The following ZNF487 variants were observed in gnomAD, a reference collection of about 807,000 sequenced individuals.
ZNF487 encodes KRAB domain only 1.
A neutral mutation model predicts 3.0 loss-of-function variants in ZNF487; 4 were observed. The observed-to-expected ratio is 1.35, with a 90% confidence interval of 0.66 to 3.08. The LOEUF is 3.08. Ranked by LOEUF, ZNF487 falls within the 30% of genes most tolerant of loss-of-function variation. ZNF487 has a pLI of 0.01. For missense variants in ZNF487, 146 were observed against 98.7 expected (o/e 1.48, Z -2.03); for synonymous variants, 55 against 34.6 (o/e 1.59, Z -2.06).
At chr10:43,513,770 G>A in the ZNF487 span, among the ~76,000 whole-genome samples, 1 of 152,126 alleles carries the variant, frequency 6.6e-6, no homozygotes, top group East Asian at 1.9e-4. Flanking sequence ...GGACCCACTG[G>A]ACCCACTGTA....
the ZNF487 span, among the ~76,000 whole-genome samples, chr10:43,503,239 G>A: frequency 6.6e-5 from 10 of 152,004 alleles, no homozygotes; most frequent in South Asian, 2.1e-4. Context: ...GTGTATGTGT[G>A]TGTCTTAGTT....
At chr10:43,503,857 C>T in the ZNF487 span, among the ~76,000 whole-genome samples, 1 of 152,216 alleles carries the variant, frequency 6.6e-6, no homozygotes, top group East Asian at 1.9e-4. Context: ...ATCCACCTGC[C>T]TCTACCTCCC....
At chr10:43,464,655 CA>C (rs1270438959) in intron 1 of ZNF487, among the ~76,000 whole-genome samples, 1 of 152,212 alleles carries the variant, frequency 6.6e-6, no homozygotes, top group African/African-American at 2.4e-5. Context: ...CCTGAGTTGA[CA>C]CAGCACATGT....
chr10:43,521,003 G>T, the ZNF487 span, among the ~76,000 whole-genome samples: 1 of 152,120 alleles, frequency 6.6e-6, no homozygotes, highest in Non-Finnish European at 1.5e-5. Context: ...GTAGGTTTTT[G>T]ACCATAGTAT....
At chr10:43,468,806 G>A (rs564440945) in intron 1 of ZNF487, among the ~76,000 whole-genome samples, 20 of 150,988 alleles carry the variant, frequency 1.3e-4, no homozygotes, top group African/African-American at 4.1e-4. Flanking sequence ...TGGCTAACGC[G>A]GTGAAACCCC....
chr10:43,444,437 A>C (rs935419609), intron 1 of ZNF487, among the ~76,000 whole-genome samples: 3 of 152,046 alleles, frequency 2.0e-5, no homozygotes, highest in Non-Finnish European at 4.4e-5. Flanking sequence ...TAATGGGAGG[A>C]GTATGAAGCA....
At chr10:43,460,376 C>CTTTTT (rs1840384897) in intron 1 of ZNF487, among the ~76,000 whole-genome samples, 1 of 136,694 alleles carries the variant, frequency 7.3e-6, no homozygotes, top group African/African-American at 2.8e-5. Context: ...TGTTTTCTTT[C>CTTTTT]TTTCTTTTTT....
chr10:43,501,332 A>T, the ZNF487 span, among the ~76,000 whole-genome samples: 7 of 152,194 alleles, frequency 4.6e-5, no homozygotes, highest in Non-Finnish European at 1.0e-4. Context: ...GTTATTGTAC[A>T]CTACTGTAGG....
In ZNF487 at chr10:43,482,946, C is replaced by T. The variant is rs1191463256; in HGVS notation, c.*1024C>T. On this transcript the variant is annotated 3_prime_UTR_variant, in exon 4 of 4. Transcript: ENST00000437590. ...TAGTGAATGTGGGAAAACCTTCTAC[C>T]AGAAGTCATCCCTCACAACACATCA... 2 of 527,570 alleles carry T rather than the reference C, an allele frequency of 3.8e-6. No homozygotes were observed. The highest frequency in any genetic ancestry group is 1.9e-5 in the African/African-American group (1 of 51,776). The allele number at this position is 527,570 out of a possible 1,614,324, so 32.7% of individuals were successfully genotyped here.
chr10:43,511,118 A>C, the ZNF487 span, among the ~76,000 whole-genome samples: 3 of 152,204 alleles, frequency 2.0e-5, no homozygotes, highest in African/African-American at 7.2e-5. Flanking sequence ...TGGGAGAAAC[A>C]GTACCATATA....
chr10:43,448,680 G>A (rs183940970), intron 1 of ZNF487, among the ~76,000 whole-genome samples: 85 of 152,100 alleles, frequency 5.6e-4, no homozygotes, highest in African/African-American at 1.9e-3. Flanking sequence ...AGCTGGGCGC[G>A]GTGGCGCACA....
At chr10:43,507,134 G>A in the ZNF487 span, among the ~76,000 whole-genome samples, 5 of 152,112 alleles carry the variant, frequency 3.3e-5, no homozygotes, top group East Asian at 1.9e-4. Context: ...TGGTTTATGA[G>A]GCTCCCTCCT....
chr10:43,506,492 A>G, the ZNF487 span, among the ~76,000 whole-genome samples: 3 of 152,172 alleles, frequency 2.0e-5, 1 homozygote, highest in South Asian at 6.2e-4. Flanking sequence ...TGACAGATTG[A>G]GACCCCATCT....
At chr10:43,484,036 T>G (rs1461360222), downstream of ZNF487, among the ~76,000 whole-genome samples, 1 of 151,766 alleles carries the variant, frequency 6.6e-6, no homozygotes, top group Non-Finnish European at 1.5e-5. Context: ...GCCCAGCTAA[T>G]TTTTGTATTT....
chr10:43,467,586 G>C (rs1840753204), intron 1 of ZNF487, among the ~76,000 whole-genome samples: 1 of 152,032 alleles, frequency 6.6e-6, no homozygotes, highest in Admixed American at 6.6e-5. Flanking sequence ...GGAGGCCGAG[G>C]CTGGTGGATC....
chr10:43,475,848 G>A lies in ZNF487; in HGVS notation c.34+1G>A, dbSNP rs1163438560. On this transcript the variant is annotated splice_donor_variant, in intron 2 of 3. Coordinates refer to ENST00000437590, the MANE Select transcript of ZNF487 (RefSeq NM_001355444.3). LOFTEE classifies it high-confidence loss of function. ...AACTACAGCCTCCTCCTCTCAGTGG[G>A]TAAGGATTATGTAATTTGCAGCTTC... 1 of 770,958 alleles carries A rather than the reference G, an allele frequency of 1.3e-6. No homozygotes were observed. Among genetic ancestry groups the A allele is most frequent in the Non-Finnish European group, 2.4e-6 (1 of 414,464 alleles). The allele number at this position is 770,958 out of a possible 1,614,324, so 47.8% of individuals were successfully genotyped here.
At chr10:43,483,572 G>C (rs565805494), downstream of ZNF487, among the ~76,000 whole-genome samples, 121 of 152,176 alleles carry the variant, frequency 8.0e-4, no homozygotes, top group South Asian at 2.1e-3. Flanking sequence ...CTGTTGCCCA[G>C]GCTGGAGTGC....
intron 1 of ZNF487, chr10:43,452,394 T>C (rs1840039794): frequency 6.6e-6 from 1 of 152,252 alleles, no homozygotes; most frequent in Non-Finnish European, 1.5e-5. Context: ...TTCCCTGCTC[T>C]CAAGCCATTT....
At chr10:43,477,029 A>G (rs570021369) in intron 3 of ZNF487, among the ~76,000 whole-genome samples, 1 of 152,310 alleles carries the variant, frequency 6.6e-6, no homozygotes, top group African/African-American at 2.4e-5. Flanking sequence ...GAAATAAGAG[A>G]TAGACACATA....
Sources: gnomAD v4.1 joint callset for allele counts (sites outside exome capture counted in the v4.1 genomes callset) on GRCh38, gnomAD v4.1.1 for gene constraint, MANE v1.5 for transcripts, NCBI Gene and HGNC (gene_info 2026-07-23, HGNC 2026-07-21) for gene names.